The following MEI4 variants were observed in gnomAD, a reference collection of about 807,000 sequenced individuals.
The protein encoded by MEI4 is meiosis-specific protein MEI4.
MEI4 carries 27 observed loss-of-function variants against 31.4 expected under a neutral mutation model. That is an observed-to-expected ratio of 0.86 (90% confidence interval 0.63 to 1.19). The LOEUF is 1.19. Among genes scored for constraint, MEI4 ranks in the 50% most tolerant of loss-of-function variants. The pLI is 0.00. For missense variants in MEI4, 329 were observed against 398.9 expected, an observed-to-expected ratio of 0.82 and a Z score of 1.49; for synonymous variants, 122 against 145.4, an observed-to-expected ratio of 0.84 and a Z score of 1.16.
chr6:77,900,926 C>A lies in MEI4; in HGVS notation c.901-22163C>A, dbSNP rs906885599. 2.6e-5 allele frequency among the ~76,000 whole-genome samples: 4 copies of A among 151,826 alleles called. No individual in the cohort carries two copies. The Admixed American group carries it at 2.6e-4, about 10-fold the overall frequency. On this transcript the variant is annotated intron_variant, in intron 4 of 4. Transcript: ENST00000684080. Reference sequence around the variant, plus strand: ...TTAGTCTCTGCTACTATGAGTTCAACTTTTTTAGTATCTATATATAAGTGA... The same window carrying A: ...TTAGTCTCTGCTACTATGAGTTCAAATTTTTTAGTATCTATATATAAGTGA...
intron 1 of MEI4, among the ~76,000 whole-genome samples, chr6:77,679,913 G>T (rs1768920811): frequency 6.6e-6 from 1 of 150,832 alleles, no homozygotes; most frequent in Admixed American, 6.6e-5. Flanking sequence ...GCTAATTTTT[G>T]TATTTTTAGT....
intron 2 of MEI4, among the ~76,000 whole-genome samples, chr6:77,742,749 T>A (rs1196668722): frequency 6.6e-6 from 1 of 152,056 alleles, no homozygotes; most frequent in Non-Finnish European, 1.5e-5. Context: ...TTTTTATGGT[T>A]TTAGGTCTAA....
chr6:77,923,955 TA>T lies in MEI4; in HGVS notation c.*610del, dbSNP rs1429173486. 4 of 151,704 alleles carry T rather than the reference TA, an allele frequency of 2.6e-5. No individual in the cohort carries two copies. Among genetic ancestry groups the T allele is most frequent in the Admixed American group, 1.3e-4 (2 of 15,166 alleles). The allele number at this position is 151,704 out of a possible 1,614,324, so 9.4% of individuals were successfully genotyped here. ...GAGCTCTTTTGAAAATACTATTAAT[TA>T]GTTGTTTAAAATGTTCTTTGTTTTT... On this transcript the variant is annotated 3_prime_UTR_variant, in exon 5 of 5. Coordinates refer to ENST00000684080, the MANE Select transcript of MEI4 (RefSeq NM_001322247.2).
intron 2 of MEI4, among the ~76,000 whole-genome samples, chr6:77,726,589 T>A (rs1766827593): frequency 6.6e-6 from 1 of 152,158 alleles, no homozygotes; most frequent in Non-Finnish European, 1.5e-5. Context: ...ATATGATTGT[T>A]CTTATGAGGT....
chr6:77,699,871 G>A (rs971325316), intron 2 of MEI4, among the ~76,000 whole-genome samples: 1 of 151,648 alleles, frequency 6.6e-6, no homozygotes, highest in African/African-American at 2.4e-5. Flanking sequence ...CTGGGTGTCA[G>A]CAGCAGTGGC....
At chr6:77,801,570 T>G (rs1582161443) in intron 3 of MEI4, among the ~76,000 whole-genome samples, 1 of 152,328 alleles carries the variant, frequency 6.6e-6, no homozygotes, top group African/African-American at 2.4e-5. Flanking sequence ...GTTCTTTTAA[T>G]TGTGATGTTA....
rs528711901 is a variant in MEI4, at chr6:77,758,079, C to T, written c.233-3051C>T. Among the ~76,000 whole-genome samples, 418 of 151,642 alleles carry T rather than the reference C, an allele frequency of 2.8e-3. 4 individuals carry two copies. Among genetic ancestry groups the T allele is most frequent in the South Asian group, 0.022 (108 of 4,800 alleles). On this transcript the variant is annotated intron_variant, in intron 2 of 4. Coordinates refer to ENST00000684080, the MANE Select transcript of MEI4 (RefSeq NM_001322247.2). Reference sequence around the variant, plus strand: ...GCTGAGGCAGGAGAATCACTTGAACCCAGGAGGTGGAGGTTCTGTGAGCCA... The same window carrying T: ...GCTGAGGCAGGAGAATCACTTGAACTCAGGAGGTGGAGGTTCTGTGAGCCA...
intron 3 of MEI4, among the ~76,000 whole-genome samples, chr6:77,787,943 G>A (rs1020127191): frequency 2.6e-5 from 4 of 152,158 alleles, no homozygotes; most frequent in African/African-American, 9.7e-5. Context: ...ATGTTCATCA[G>A]GGATATTGGT....
chr6:77,806,067 A>T (rs1307376825), intron 3 of MEI4, among the ~76,000 whole-genome samples: 1 of 152,106 alleles, frequency 6.6e-6, no homozygotes, highest in Non-Finnish European at 1.5e-5. Flanking sequence ...CTTGAGGAAA[A>T]TGTATGTCCA....
chr6:77,738,697 A>T (rs1046144516), intron 2 of MEI4, among the ~76,000 whole-genome samples: 19 of 152,182 alleles, frequency 1.2e-4, no homozygotes, highest in African/African-American at 4.1e-4. Context: ...CAACTAATTT[A>T]CACTTCCACC....
chr6:77,875,739 AAG>A (rs1378986469), intron 4 of MEI4, among the ~76,000 whole-genome samples: 14 of 152,314 alleles, frequency 9.2e-5, no homozygotes, highest in African/African-American at 3.4e-4. Context: ...TGAAAATTGT[AAG>A]AGTTTCAAAG....
At position 77,900,124 on chromosome 6, in the gene MEI4, A is replaced by G. The variant is rs967573117; in HGVS notation, c.901-22965A>G. 2.6e-5 allele frequency among the ~76,000 whole-genome samples: 4 copies of G among 152,014 alleles called. No individual in the cohort carries two copies. In the East Asian group the frequency reaches 7.7e-4, roughly 29 times the overall value. ...TCACTGCATCTCAGTTAGAATGGCTATTATCAAAAAGCCAAAAAATAATTA... is the reference window on the plus strand; with the variant it reads ...TCACTGCATCTCAGTTAGAATGGCTGTTATCAAAAAGCCAAAAAATAATTA... On this transcript the variant is annotated intron_variant, in intron 4 of 4. Transcript: ENST00000684080.
chr6:77,815,871 C>G (rs753777180), intron 3 of MEI4, among the ~76,000 whole-genome samples: 1 of 150,938 alleles, frequency 6.6e-6, no homozygotes, highest in African/African-American at 2.4e-5. Flanking sequence ...AAGAACATGA[C>G]TTGAATCCTT....
chr6:77,862,166 C>A (rs1362790513), intron 4 of MEI4, among the ~76,000 whole-genome samples: 1 of 152,044 alleles, frequency 6.6e-6, no homozygotes, highest in Non-Finnish European at 1.5e-5. Flanking sequence ...GTGATTTCTG[C>A]ATTTCCAACT....
intron 2 of MEI4, among the ~76,000 whole-genome samples, chr6:77,711,093 T>C (rs1004444667): frequency 7.0e-6 from 1 of 143,402 alleles, no homozygotes; most frequent in African/African-American, 2.5e-5. Context: ...GAGCTGACAG[T>C]TGGGGGAGAA....
At position 77,924,334 on chromosome 6, in the gene MEI4, C is replaced by A. The variant is rs1458041336; in HGVS notation, c.*988C>A. The A allele has an allele frequency of 6.6e-6, 1 of 151,796 alleles. No homozygotes were observed. Among genetic ancestry groups the A allele is most frequent in the Non-Finnish European group, 1.5e-5 (1 of 67,862 alleles). 9.4% of individuals were successfully genotyped at this position (151,796 alleles called of 1,614,324 possible). ...AAAGTAATCTTGATAATTCCATCTA[C>A]AATGTATATACAATTATGTCATCTG... On this transcript the variant is annotated 3_prime_UTR_variant, in exon 5 of 5. Coordinates refer to ENST00000684080, the MANE Select transcript of MEI4 (RefSeq NM_001322247.2).
At chr6:77,866,334 T>C (rs1459819595) in intron 4 of MEI4, among the ~76,000 whole-genome samples, 2 of 152,098 alleles carry the variant, frequency 1.3e-5, no homozygotes, top group African/African-American at 2.4e-5. Context: ...GAAAACCCCA[T>C]TGTCTCAGCC....
chr6:77,662,532 G>A (rs1333724306), intron 1 of MEI4, among the ~76,000 whole-genome samples: 1 of 152,192 alleles, frequency 6.6e-6, no homozygotes, highest in Non-Finnish European at 1.5e-5. Context: ...TGTGTCCGGT[G>A]TGAGGAAGAA....
At chr6:77,846,463 CT>C (rs1770489658) in intron 4 of MEI4, among the ~76,000 whole-genome samples, 1 of 152,070 alleles carries the variant, frequency 6.6e-6, no homozygotes, top group South Asian at 2.1e-4. Context: ...ATTTTCAGAG[CT>C]TTGCCCTGCT....
Sources: gnomAD v4.1 joint callset for allele counts (sites outside exome capture counted in the v4.1 genomes callset) on GRCh38, gnomAD v4.1.1 for gene constraint, MANE v1.5 for transcripts, NCBI Gene and HGNC (gene_info 2026-07-23, HGNC 2026-07-21) for gene names.